ADD1: variants seen among roughly 807,000 people sequenced by gnomAD.
ADD1 encodes the protein adducin 1.
ADD1 carries 24 observed loss-of-function variants against 80.5 expected under a neutral mutation model. The observed-to-expected ratio is 0.30, with a 90% CI of 0.22 to 0.42. The LOEUF is 0.42. ADD1 is among the 10% of genes least tolerant of loss of function. The pLI is 1.00. For synonymous variants in ADD1, 373 were observed against 393.8 expected (o/e 0.95, Z 0.63); for missense variants, 948 against 1,019.0 (o/e 0.93, Z 0.95).
chr4:2,860,149 T>C (rs996563286), intron 1 of ADD1, among the ~76,000 whole-genome samples: 2 of 152,330 alleles, frequency 1.3e-5, no homozygotes, highest in East Asian at 1.9e-4. Context: ...CACTTAGTTA[T>C]AACTTCCCTG....
At chr4:2,907,929 T>C in intron 11 of ADD1, 85 bp downstream of exon 11, 1 of 1,101,068 alleles carries the variant, frequency 9.1e-7, no homozygotes, top group Non-Finnish European at 1.4e-6. Flanking sequence ...GGGTGCTTGC[T>C]TCTAGCAGAG....
At chr4:2,844,654 A>G (rs1488359150) in intron 1 of ADD1, 1 of 152,182 alleles carries the variant, frequency 6.6e-6, no homozygotes, top group Non-Finnish European at 1.5e-5. Context: ...TTGCTCTTGT[A>G]ATGGCTCAAG....
At chr4:2,885,758 C>T (rs927935423) in intron 4 of ADD1, among the ~76,000 whole-genome samples, 41 of 151,806 alleles carry the variant, frequency 2.7e-4, no homozygotes, top group Admixed American at 4.6e-4. Context: ...TACAGGCGCC[C>T]GCCACCACGC....
At chr4:2,922,647 CTCAGCAG>C (rs1164901771) in intron 14 of ADD1, among the ~76,000 whole-genome samples, 1 of 152,266 alleles carries the variant, frequency 6.6e-6, no homozygotes, top group Admixed American at 6.5e-5. Flanking sequence ...CTGTCTGTCC[CTCAGCAG>C]AGCTTGAGTG....
At chr4:2,885,626 T>G (rs1023367453) in intron 4 of ADD1, among the ~76,000 whole-genome samples, 1 of 151,958 alleles carries the variant, frequency 6.6e-6, no homozygotes, top group Non-Finnish European at 1.5e-5. Context: ...TTTTTTTTTT[T>G]TGAGACAGAG....
At chr4:2,878,322 T>G (rs933527832) in intron 2 of ADD1, among the ~76,000 whole-genome samples, 1 of 151,976 alleles carries the variant, frequency 6.6e-6, no homozygotes, top group African/African-American at 2.4e-5. Flanking sequence ...TGGGCCAAGG[T>G]GGCGTAGTAG....
At chr4:2,846,816 TA>T (rs761045902) in intron 1 of ADD1, among the ~76,000 whole-genome samples, 26,089 of 117,576 alleles carry the variant, frequency 0.22, 2,965 homozygotes, top group Non-Finnish European at 0.29. Context: ...TCTGTCTCTT[TA>T]AAAAAAAAAA....
chr4:2,852,161 T>C (rs1476625980), intron 1 of ADD1, among the ~76,000 whole-genome samples: 1 of 76,680 alleles, frequency 1.3e-5, no homozygotes, highest in Non-Finnish European at 2.5e-5. Flanking sequence ...TTTCTTTCTT[T>C]CTTTCTTTCT....
At position 2,928,410 on chromosome 4, in the gene ADD1, G is replaced by A. The variant is rs1271318534; in HGVS notation, c.2287G>A (p.Ala763Thr). Residue 763 changes from alanine to threonine, a missense_variant, in exon 16 of 16, where the codon GCC (alanine) becomes ACC (threonine). Ala to Thr is a moderately conservative substitution (Grantham distance 58). Transcript: ENST00000683351. ...EAAPSAVEEG[A>T]AADPGSDGSP... is the part of the protein sequence containing the mutation. ...TGCCCCCTCAGCTGTCGAGGAGGGGGCCGCCGCGGACCCTGGCAGCGATGG... is the reference window on the plus strand; with the variant it reads ...TGCCCCCTCAGCTGTCGAGGAGGGGACCGCCGCGGACCCTGGCAGCGATGG... 4 of 1,613,098 alleles carry A rather than the reference G, an allele frequency of 2.5e-6. No individual in the cohort carries two copies. The African/African-American group carries it at 4.0e-5, about 16-fold the overall frequency.
chr4:2,908,020 G>A (rs1207612767), intron 11 of ADD1, among the ~76,000 whole-genome samples, 176 bp downstream of exon 11: 2 of 152,216 alleles, frequency 1.3e-5, no homozygotes, highest in African/African-American at 4.8e-5. Flanking sequence ...TGAAGTATGA[G>A]CAGCAGACAT....
At chr4:2,910,572 G>A (rs1371702689) in intron 13 of ADD1, among the ~76,000 whole-genome samples, 1 of 152,024 alleles carries the variant, frequency 6.6e-6, no homozygotes, top group Non-Finnish European at 1.5e-5. Context: ...GTGTGTGAGG[G>A]CTGTGCAGGC....
chr4:2,923,012 C>T (rs1239549615), intron 14 of ADD1, among the ~76,000 whole-genome samples: 2 of 152,342 alleles, frequency 1.3e-5, no homozygotes, highest in African/African-American at 2.4e-5. Context: ...CATCCCAGGT[C>T]GACTTCAGAC....
At chr4:2,863,191 G>A (rs574945506) in intron 1 of ADD1, among the ~76,000 whole-genome samples, 2 of 150,840 alleles carry the variant, frequency 1.3e-5, no homozygotes, top group East Asian at 3.9e-4. Context: ...GACTACAGGT[G>A]CATGCCACCA....
chr4:2,927,882 C>T (rs1380905525), intron 15 of ADD1, among the ~76,000 whole-genome samples: 1 of 152,120 alleles, frequency 6.6e-6, no homozygotes, highest in Non-Finnish European at 1.5e-5. Context: ...GCTTGTGCTG[C>T]AGTCTGTCTT....
intron 1 of ADD1, among the ~76,000 whole-genome samples, chr4:2,874,118 GC>G (rs990818093): frequency 1.3e-5 from 2 of 152,158 alleles, no homozygotes; most frequent in Non-Finnish European, 2.9e-5. Context: ...GGAGGCTGAG[GC>G]AGTGGGATGG....
At position 2,844,006 on chromosome 4, in the gene ADD1, C is replaced by T. The variant is rs1054245655; in HGVS notation, c.-39C>T. On this transcript the variant is annotated 5_prime_UTR_variant, in exon 1 of 16. Transcript: ENST00000683351. Reference sequence around the variant, plus strand: ...TGGGACCCCGGAATCCCGCGCGCTGCCCACGATTCGCTTCTGAGGTGAGGC... The same window carrying T: ...TGGGACCCCGGAATCCCGCGCGCTGTCCACGATTCGCTTCTGAGGTGAGGC... The T allele has an allele frequency of 6.6e-6, 1 of 152,428 alleles. No homozygotes were observed. Among genetic ancestry groups the T allele is most frequent in the Non-Finnish European group, 1.5e-5 (1 of 67,956 alleles). The allele number at this position is 152,428 out of a possible 1,614,324, so 9.4% of individuals were successfully genotyped here.
Position 2,894,592 on chromosome 4 carries a change from A to G in ADD1, c.602A>G (p.Asn201Ser), listed in dbSNP as rs373396685. 4 of 1,604,218 alleles carry G rather than the reference A, an allele frequency of 2.5e-6. No homozygotes were observed. The African/African-American group carries it at 5.4e-5, about 22-fold the overall frequency. The change falls in exon 6 of 16, where the codon AAT (asparagine) becomes AGT (serine). Residue 201 changes from asparagine to serine, a missense_variant. Coordinates refer to ENST00000683351, the MANE Select transcript of ADD1 (RefSeq NM_001354761.2). ...EVTASSLVKI[N>S]LQGDIVDRGS... ...TTTTTTTATTTTCAGGTTAAGATCA[A>G]TCTACAAGGAGATATAGTAGATCGT...
intron 1 of ADD1, among the ~76,000 whole-genome samples, chr4:2,847,719 A>C (rs547161555): frequency 6.6e-6 from 1 of 152,200 alleles, no homozygotes; most frequent in African/African-American, 2.4e-5. Context: ...TTAAGGAGAC[A>C]TGAGACATCA....
intron 9 of ADD1, 106 bp from the exon 10 acceptor site, chr4:2,904,658 T>C (rs904129400): frequency 1.0e-6 from 1 of 964,546 alleles, no homozygotes; most frequent in Non-Finnish European, 1.6e-6. Flanking sequence ...AGTCATAGGG[T>C]ATGCATGTGT....
Sources: gnomAD v4.1 joint callset for allele counts (sites outside exome capture counted in the v4.1 genomes callset) on GRCh38, gnomAD v4.1.1 for gene constraint, MANE v1.5 for transcripts, NCBI Gene and HGNC (gene_info 2026-07-23, HGNC 2026-07-21) for gene names.